Variants in BCLAF1 observed in about 807,000 individuals in gnomAD.
BCLAF1 encodes bcl-2-associated transcription factor 1.
BCLAF1 carries 10 observed loss-of-function variants against 99.5 expected under a neutral mutation model. The ratio of observed to expected loss-of-function variants is 0.10; its 90% CI spans 0.06 to 0.17. The LOEUF is 0.17. Ranked by LOEUF, BCLAF1 falls within the 10% of genes least tolerant of loss-of-function variation. The pLI is 1.00. For synonymous variants in BCLAF1, 255 were observed against 370.9 expected (o/e 0.69, Z 3.59); for missense variants, 636 against 1,105.8 (o/e 0.58, Z 6.02).
Position 136,277,848 on chromosome 6 carries a change from T to C in BCLAF1, c.1016+17A>G, listed in dbSNP as rs1211768069. ...AAAAACAATATTATAATCTAGATTC[T>C]GTATTTTAGTTTTTACCTTTTTAAG... On this transcript the variant is annotated intron_variant, in intron 4 of 12. Transcript: ENST00000531224. 5.0e-6 allele frequency: 8 copies of C among 1,599,594 alleles called. No homozygotes were observed. The East Asian group carries it at 1.8e-4, about 36-fold the overall frequency.
chr6:136,285,228 C>T (rs549627092), intron 1 of BCLAF1, among the ~76,000 whole-genome samples: 1 of 152,036 alleles, frequency 6.6e-6, no homozygotes, highest in African/African-American at 2.4e-5. Context: ...AAAAAATAAA[C>T]AGCAATGAAA....
In BCLAF1 at chr6:136,257,423, TAATCA is replaced by T. The variant is rs1433461716; in HGVS notation, c.*3682_*3686del. On this transcript the variant is annotated 3_prime_UTR_variant, in exon 13 of 13. Coordinates refer to ENST00000531224, the MANE Select transcript of BCLAF1 (RefSeq NM_014739.3). Reference sequence around the variant, plus strand: ...TCTCATTACCATCATTGACACAAGTTAATCATTACTGCATGTTTCTAAAACAATAG... The same window carrying T: ...TCTCATTACCATCATTGACACAAGTTTTACTGCATGTTTCTAAAACAATAG... The T allele has an allele frequency of 6.6e-6, 1 of 152,186 alleles. No homozygotes were observed. The highest frequency in any genetic ancestry group is 1.5e-5 in the Non-Finnish European group (1 of 68,004). The allele number at this position is 152,186 out of a possible 1,614,324, so 9.4% of individuals were successfully genotyped here. A position where few individuals can be genotyped will look rare whatever the true frequency, so the allele number is the denominator to read the frequency against.
chr6:136,285,798 A>G (rs1162656156), intron 1 of BCLAF1, among the ~76,000 whole-genome samples: 1 of 152,222 alleles, frequency 6.6e-6, no homozygotes, highest in African/African-American at 2.4e-5. Context: ...ATCAGAAACC[A>G]GCTAGAAAAC....
chr6:136,267,557 T>C (rs1383388017), intron 10 of BCLAF1, among the ~76,000 whole-genome samples: 3 of 151,980 alleles, frequency 2.0e-5, no homozygotes, highest in African/African-American at 4.8e-5. Flanking sequence ...TTTCCCAAAT[T>C]ATCTAATAAA....
At chr6:136,274,084 A>G (rs1443032439) in intron 6 of BCLAF1, 13 of 1,288,330 alleles carry the variant, frequency 1.0e-5, no homozygotes, top group South Asian at 1.2e-5. Flanking sequence ...CTCAGTTTTT[A>G]TGCCATTTTT....
chr6:136,260,639 A>C lies in BCLAF1; in HGVS notation c.*471T>G. The C allele has an allele frequency of 6.1e-6, 1 of 163,164 alleles. No individual in the cohort carries two copies. The highest frequency in any genetic ancestry group is 1.3e-5 in the Non-Finnish European group (1 of 75,476). The allele number at this position is 163,164 out of a possible 1,614,324, so 10.1% of individuals were successfully genotyped here. A position where few individuals can be genotyped will look rare whatever the true frequency, so the allele number is the denominator to read the frequency against. On this transcript the variant is annotated 3_prime_UTR_variant, in exon 13 of 13. Transcript: ENST00000531224. Reference sequence around the variant, plus strand: ...CTGTGGTATACTTCAAAAATCAGTCACCCTACGATGTAGTGTGTTCAAATT... The same window carrying C: ...CTGTGGTATACTTCAAAAATCAGTCCCCCTACGATGTAGTGTGTTCAAATT...
intron 2 of BCLAF1, among the ~76,000 whole-genome samples, chr6:136,280,697 A>T (rs1416797385): frequency 6.6e-6 from 1 of 152,212 alleles, no homozygotes; most frequent in Non-Finnish European, 1.5e-5. Flanking sequence ...TACAGAAATC[A>T]GTAACTGTCA....
At chr6:136,273,601 T>C (rs1426345455) in intron 6 of BCLAF1, 2 of 158,952 alleles carry the variant, frequency 1.3e-5, no homozygotes, top group Admixed American at 1.2e-4. Context: ...AAAAAGCTTG[T>C]TTGGGTCAAC....
Position 136,261,274 on chromosome 6 carries a change from C to T in BCLAF1, c.2748G>A (p.Lys916=). Residue 916 remains lysine (K), a synonymous_variant, in exon 12 of 13, where the codon AAG becomes AAA. Coordinates refer to ENST00000531224, the MANE Select transcript of BCLAF1 (RefSeq NM_014739.3). ...ENNEEKKDRR[K]EEKE ...AGTTGAAATTTTATACCTTTTCTTCCTTGCGTCTGTCCTTCTTTTCTTCAT... is the reference window on the plus strand; with the variant it reads ...AGTTGAAATTTTATACCTTTTCTTCTTTGCGTCTGTCCTTCTTTTCTTCAT... 1 of 1,612,854 alleles carries T rather than the reference C, an allele frequency of 6.2e-7. No homozygotes were observed. The highest frequency in any genetic ancestry group is 8.5e-7 in the Non-Finnish European group (1 of 1,179,630).
At chr6:136,268,514 A>AT in intron 9 of BCLAF1, 175 bp from the exon 10 acceptor site, 1 of 629,322 alleles carries the variant, frequency 1.6e-6, no homozygotes, top group Non-Finnish European at 2.7e-6. Flanking sequence ...CTCCTTCAAT[A>AT]TGTGTTTTAC....
intron 3 of BCLAF1, 43 bp from the exon 4 acceptor site, chr6:136,278,819 C>T: frequency 1.4e-6 from 2 of 1,435,486 alleles, no homozygotes; most frequent in Non-Finnish European, 1.8e-6. Context: ...ATAAAGTATT[C>T]CATGCTACCA....
chr6:136,267,138 A>G lies in BCLAF1; in HGVS notation c.2435T>C (p.Phe812Ser), dbSNP rs1296388745. Residue 812 changes from phenylalanine (F) to serine (S), a missense_variant, in exon 11 of 13, where the codon TTT becomes TCT. Transcript: ENST00000531224. ...IRGRGRARGV[F>S]AGTNTGPNNS... Reference sequence around the variant, plus strand: ...GTTTGGACCAGTATTTGTCCCAGCAAAAACTCCTCTGGCTCTTCCTCTGCC... The same window carrying G: ...GTTTGGACCAGTATTTGTCCCAGCAGAAACTCCTCTGGCTCTTCCTCTGCC... The G allele has an allele frequency of 9.9e-6, 16 of 1,613,102 alleles. No individual in the cohort carries two copies. The highest frequency in any genetic ancestry group is 1.3e-5 in the Non-Finnish European group (15 of 1,179,346).
intron 1 of BCLAF1, among the ~76,000 whole-genome samples, chr6:136,284,128 G>GTATA (rs1242722909): frequency 0.014 from 1,149 of 81,266 alleles, 24 homozygotes; most frequent in African/African-American, 0.049. Context: ...GTGTGTGTGT[G>GTATA]TGTATATATA....
At position 136,256,982 on chromosome 6, in the gene BCLAF1, TA is replaced by T. The variant is rs1780512379; in HGVS notation, c.*4127del. 6.6e-6 allele frequency: 1 copy of T among 152,198 alleles called. No individual in the cohort carries two copies. Among genetic ancestry groups the T allele is most frequent in the African/African-American group, 2.4e-5 (1 of 41,440 alleles). 9.4% of individuals were successfully genotyped at this position (152,198 alleles called of 1,614,324 possible). On this transcript the variant is annotated 3_prime_UTR_variant, in exon 13 of 13. Transcript: ENST00000531224. ...TGATTATAAATCATTTCACACCACC[TA>T]AACATACAGTGTAGCTATGATCATG...
rs1345925297 is a variant in BCLAF1 at position 136,276,403 on chromosome 6, T to C, written c.1122A>G (p.Glu374=). The part of the protein sequence containing the change: ...KGSEKGRAEG[E]WEDQEALDYF... Reference sequence around the variant, plus strand: ...AATCTAGAGCTTCCTGATCTTCCCATTCTCCCTCTGCCCTCCCTTTCTCTG... The same window carrying C: ...AATCTAGAGCTTCCTGATCTTCCCACTCTCCCTCTGCCCTCCCTTTCTCTG... Residue 374 remains glutamate, a synonymous_variant, in exon 5 of 13, where the codon GAA becomes GAG. Transcript: ENST00000531224. 7.6e-6 allele frequency: 12 copies of C among 1,571,646 alleles called. No homozygotes were observed. Among genetic ancestry groups the C allele is most frequent in the Non-Finnish European group, 9.4e-6 (11 of 1,166,312 alleles).
In BCLAF1 at chr6:136,275,849, G is replaced by C; in HGVS notation, c.1676C>G (p.Ser559Cys). Residue 559 changes from serine (S) to cysteine (C), a missense_variant, in exon 5 of 13, where the codon TCT becomes TGT. Physicochemically the swap from Ser to Cys is moderately radical, Grantham distance 112. Coordinates refer to ENST00000531224, the MANE Select transcript of BCLAF1 (RefSeq NM_014739.3). ...GGCATCAATATGGAATTACCTGTTA[G>C]AATCATCAAGAGGAACAGGTGCCAT... The part of the protein sequence containing the change: ...LKMAPVPLDD[S>C]NRPASLTKDR... 1 of 1,611,646 alleles carries C rather than the reference G, an allele frequency of 6.2e-7. No individual in the cohort carries two copies. Among genetic ancestry groups the C allele is most frequent in the South Asian group, 1.1e-5 (1 of 90,794 alleles).
intron 11 of BCLAF1, among the ~76,000 whole-genome samples, chr6:136,262,461 T>C (rs1781139996): frequency 1.3e-5 from 2 of 152,146 alleles, no homozygotes; most frequent in African/African-American, 2.4e-5. Flanking sequence ...ATATGAGTAT[T>C]TTTTTTCCAA....
At chr6:136,277,342 T>G (rs1783573855) in intron 4 of BCLAF1, among the ~76,000 whole-genome samples, 1 of 152,212 alleles carries the variant, frequency 6.6e-6, no homozygotes, top group Non-Finnish European at 1.5e-5. Context: ...GTAGGTCACA[T>G]TCTAATAGTG....
Position 136,273,113 on chromosome 6 carries a change from T to C in BCLAF1, c.1927A>G (p.Ser643Gly). ...ATTTCAGGGCTCTTTTGCCGAGTAC[T>C]ATGTTCTTCAGTGGCTTTCTGATAC... ...TSYQKATEEH[S>G]TRQKSPEIHR... Residue 643 changes from serine to glycine, a missense_variant, in exon 7 of 13, where the codon AGT becomes GGT. This residue lies in a region of BCLAF1 where 180 missense variants were observed against 270.0 expected (regional missense o/e 0.67). Transcript: ENST00000531224. 6.2e-7 allele frequency: 1 copy of C among 1,612,152 alleles called. No homozygotes were observed. Among genetic ancestry groups the C allele is most frequent in the East Asian group, 2.2e-5 (1 of 44,828 alleles).
Sources: allele counts gnomAD v4.1 joint callset (sites outside exome capture counted in the v4.1 genomes callset), GRCh38; gene constraint gnomAD v4.1.1; regional missense constraint gnomAD v4.1.1; transcripts MANE v1.5; gene names NCBI Gene and HGNC (gene_info 2026-07-23, HGNC 2026-07-21).